ZW10: variants seen among roughly 807,000 people sequenced by gnomAD.
The protein encoded by ZW10 is zw10 kinetochore protein, also known as centromere/kinetochore protein zw10 homolog.
ZW10 carries 53 observed loss-of-function variants against 87.8 expected under a neutral mutation model. That is an observed-to-expected ratio of 0.60 (90% CI 0.48 to 0.76). ZW10 has a LOEUF of 0.76. ZW10 is among the 30% of genes least tolerant of loss of function. ZW10 has a pLI of 0.00. For synonymous variants in ZW10, 312 were observed against 329.2 expected, an observed-to-expected ratio of 0.95 and a Z score of 0.57; for missense variants, 837 against 923.0, an observed-to-expected ratio of 0.91 and a Z score of 1.21.
At chr11:113,757,944 G>T in intron 6 of ZW10, 91 bp from the exon 7 acceptor site, 1 of 1,068,240 alleles carries the variant, frequency 9.4e-7, no homozygotes, top group Non-Finnish European at 1.3e-6. Context: ...CCAGCACTTT[G>T]GGAGGCCGAG....
At chr11:113,769,004 A>C (rs1591424832) in intron 1 of ZW10, 37 bp from the exon 2 acceptor site, 2 of 1,597,958 alleles carry the variant, frequency 1.3e-6, no homozygotes, top group Non-Finnish European at 1.7e-6. Context: ...AAAGACAGTG[A>C]AATGAGTAGA....
intron 13 of ZW10, 41 bp from the exon 14 acceptor site, chr11:113,737,744 T>G: frequency 6.4e-7 from 1 of 1,556,988 alleles, no homozygotes; most frequent in South Asian, 1.2e-5. Flanking sequence ...GAAAGATTAC[T>G]GTGACTCGTA....
At chr11:113,766,383 T>A (rs1953907140) in intron 2 of ZW10, among the ~76,000 whole-genome samples, 1 of 150,516 alleles carries the variant, frequency 6.6e-6, no homozygotes, top group East Asian at 2.0e-4. Context: ...AAAATAAGAA[T>A]TTTTAGGCTG....
In ZW10 at chr11:113,733,535, G is replaced by A. The variant is rs539759994; in HGVS notation, c.*159C>T. The A allele has an allele frequency of 1.6e-5, 14 of 865,798 alleles. No homozygotes were observed. Among genetic ancestry groups the A allele is most frequent in the Middle Eastern group, 3.5e-4 (1 of 2,848 alleles). The allele number at this position is 865,798 out of a possible 1,614,324, so 53.6% of individuals were successfully genotyped here. Reference sequence around the variant, plus strand: ...ATAAACAGTTCTTAAACAAAGCCTCGTACAGGCCAGGAGGTAAGACGTTCT... The same window carrying A: ...ATAAACAGTTCTTAAACAAAGCCTCATACAGGCCAGGAGGTAAGACGTTCT... On this transcript the variant is annotated 3_prime_UTR_variant, in exon 16 of 16. Transcript: ENST00000200135.
intron 14 of ZW10, 31 bp downstream of exon 14, chr11:113,737,541 C>T (rs1329549255): frequency 1.3e-6 from 2 of 1,505,716 alleles, no homozygotes; most frequent in Non-Finnish European, 1.8e-6. Flanking sequence ...AATTGCATCT[C>T]AAGGCTAGTG....
chr11:113,757,871 C>T lies in ZW10; in HGVS notation c.734-18G>A, dbSNP rs1953809454. ...CATCTGACCTGAAAAATCATATGAA[C>T]ATTCATCAAAAAATCACCATAAGAC... On this transcript the variant is annotated intron_variant, in intron 6 of 15. Transcript: ENST00000200135. The T allele has an allele frequency of 6.4e-7, 1 of 1,567,136 alleles. No homozygotes were observed. Among genetic ancestry groups the T allele is most frequent in the South Asian group, 1.2e-5 (1 of 85,104 alleles).
chr11:113,754,833 T>C (rs1032442093), intron 7 of ZW10, among the ~76,000 whole-genome samples: 1 of 152,056 alleles, frequency 6.6e-6, no homozygotes, highest in Non-Finnish European at 1.5e-5. Context: ...CCCATAGCAA[T>C]ACCCAGGCAG....
At chr11:113,749,924 C>T (rs560442053) in intron 7 of ZW10, among the ~76,000 whole-genome samples, 27 of 152,178 alleles carry the variant, frequency 1.8e-4, no homozygotes, top group Non-Finnish European at 3.5e-4. Context: ...TTTCTCCAGA[C>T]TGATCCTATC....
At chr11:113,758,370 G>GA (rs5794879) in intron 6 of ZW10, among the ~76,000 whole-genome samples, 184 bp downstream of exon 6, 116,330 of 143,774 alleles carry the variant, frequency 0.81, 46,900 homozygotes, top group East Asian at 0.91. Context: ...AGGAACAGTT[G>GA]AAAAAAAAAA....
chr11:113,772,818 C>CA (rs58651654), intron 1 of ZW10, among the ~76,000 whole-genome samples: 15,549 of 93,500 alleles, frequency 0.17, 1,357 homozygotes, highest in East Asian at 0.47. Context: ...ACTAAAAATA[C>CA]AAAAAAAAAA....
Position 113,762,937 on chromosome 11 carries a change from G to A in ZW10, c.241-2019C>T, listed in dbSNP as rs186362123. 1.4e-3 allele frequency among the ~76,000 whole-genome samples: 214 copies of A among 152,244 alleles called. 1 individual carries two copies. The highest frequency in any genetic ancestry group is 4.9e-3 in the African/African-American group (204 of 41,534). On this transcript the variant is annotated intron_variant, in intron 2 of 15. Coordinates refer to ENST00000200135, the MANE Select transcript of ZW10 (RefSeq NM_004724.4). The stretch of plus-strand genomic sequence containing the variant: ...AAAATGGGATACATGTGCAGAACAC[G>A]CAGGTTTGTTACACAGGTATACATG...
In ZW10 at chr11:113,760,218, G is replaced by A. The variant is rs1309959320; in HGVS notation, c.571C>T (p.Pro191Ser). The A allele has an allele frequency of 1.2e-6, 2 of 1,613,760 alleles. No homozygotes were observed. The highest frequency in any genetic ancestry group is 2.2e-5 in the East Asian group (1 of 44,892). ...WQKLIVWKFP[P>S]SKDTSSLESY... Reference sequence around the variant, plus strand: ...CTGAGGTCAGCAGCACCTTTTGATGGTGGGAACTTCCATACAATCAGCTTC... The same window carrying A: ...CTGAGGTCAGCAGCACCTTTTGATGATGGGAACTTCCATACAATCAGCTTC... Residue 191 changes from proline to serine, a missense_variant, in exon 5 of 16, where the codon CCA becomes TCA. Pro to Ser is a moderately conservative substitution (Grantham distance 74, BLOSUM62 -1). Coordinates refer to ENST00000200135, the MANE Select transcript of ZW10 (RefSeq NM_004724.4).
intron 7 of ZW10, among the ~76,000 whole-genome samples, chr11:113,757,076 A>G (rs1364802013): frequency 1.3e-5 from 2 of 152,098 alleles, no homozygotes. Context: ...GACAGCTGAG[A>G]AAAGCACATA....
rs1953842332 is a variant in ZW10, at chr11:113,760,231, T to TA, written c.557dup (p.Trp187MetfsTer19). Reference sequence around the variant, plus strand: ...CACCTTTTGATGGTGGGAACTTCCATACAATCAGCTTCTGCCACTCTTCTC... The same window carrying TA: ...CACCTTTTGATGGTGGGAACTTCCATAACAATCAGCTTCTGCCACTCTTCTC... On this transcript the variant is annotated frameshift_variant, in exon 5 of 16. Coordinates refer to ENST00000200135, the MANE Select transcript of ZW10 (RefSeq NM_004724.4). LOFTEE classifies it high-confidence loss of function. The TA allele has an allele frequency of 6.2e-7, 1 of 1,613,968 alleles. No homozygotes were observed. Among genetic ancestry groups the TA allele is most frequent in the African/African-American group, 1.3e-5 (1 of 74,934 alleles).
chr11:113,740,192 A>G (rs993498652), intron 11 of ZW10, among the ~76,000 whole-genome samples: 1 of 140,376 alleles, frequency 7.1e-6, no homozygotes, highest in African/African-American at 2.6e-5. Context: ...GCTTAAAAAA[A>G]AAGAAAAAAA....
intron 1 of ZW10, among the ~76,000 whole-genome samples, chr11:113,770,909 G>C (rs546167835): frequency 6.7e-6 from 1 of 150,320 alleles, no homozygotes; most frequent in Admixed American, 6.6e-5. Context: ...AAGGTTGCAC[G>C]TTGCACACAG....
Position 113,743,866 on chromosome 11 carries a change from C to T in ZW10, c.1447G>A (p.Val483Met). 6.2e-7 allele frequency: 1 copy of T among 1,614,194 alleles called. No homozygotes were observed. The highest frequency in any genetic ancestry group is 8.5e-7 in the Non-Finnish European group (1 of 1,180,046). Reference protein sequence around the residue: ...SLPTCRISESVKKLMELAYQT... With the variant: ...SLPTCRISESMKKLMELAYQT... ...TAGGCGAGTTCCATTAATTTCTTCACAGACTCACTGATACGGCATGTGGGC... is the reference window on the plus strand; with the variant it reads ...TAGGCGAGTTCCATTAATTTCTTCATAGACTCACTGATACGGCATGTGGGC... Residue 483 changes from valine to methionine, a missense_variant, in exon 10 of 16, where the codon GTG becomes ATG. Transcript: ENST00000200135.
Position 113,744,024 on chromosome 11 carries a change from T to C in ZW10, c.1289A>G (p.Lys430Arg). 1 of 1,610,884 alleles carries C rather than the reference T, an allele frequency of 6.2e-7. No individual in the cohort carries two copies. Among genetic ancestry groups the C allele is most frequent in the Non-Finnish European group, 8.5e-7 (1 of 1,177,308 alleles). ...AGTGGGTAACTCTGGCACATTTATC[T>C]TAGAATCAGGAATAATCTAAGATTC... ...HNTVKIIPDS[K>R]INVPELPTPD... The change falls in exon 10 of 16, where the codon AAG becomes AGG. Residue 430 changes from lysine to arginine, a missense_variant. By Grantham distance (26) the Lys-to-Arg change is conservative. Coordinates refer to ENST00000200135, the MANE Select transcript of ZW10 (RefSeq NM_004724.4).
At chr11:113,761,413 A>G (rs1463859296) in intron 2 of ZW10, among the ~76,000 whole-genome samples, 1 of 152,086 alleles carries the variant, frequency 6.6e-6, no homozygotes, top group Non-Finnish European at 1.5e-5. Flanking sequence ...CTGAGTAGCC[A>G]GAACTACAGG....
Sources: gnomAD v4.1 joint callset for allele counts (sites outside exome capture counted in the v4.1 genomes callset) on GRCh38, gnomAD v4.1.1 for gene constraint, MANE v1.5 for transcripts, NCBI Gene and HGNC (gene_info 2026-07-23, HGNC 2026-07-21) for gene names.